HMCN1: variants seen among roughly 807,000 people sequenced by gnomAD.
The protein encoded by HMCN1 is hemicentin 1, also known as hemicentin-1.
HMCN1 carries 321 observed loss-of-function variants against 625.9 expected under a neutral mutation model. That is an observed-to-expected ratio of 0.51 (90% CI 0.47 to 0.56). The LOEUF (loss-of-function observed/expected upper bound fraction) is 0.56. Among genes scored for constraint, HMCN1 ranks in the 20% least tolerant of loss-of-function variants. The probability of loss-of-function intolerance (pLI) is 0.00; values close to 1 mark genes in which losing one functional copy is unlikely to be tolerated. For synonymous variants in HMCN1, 2,425 were observed against 2,417.6 expected, an observed-to-expected ratio of 1.00 and a Z score of -0.09; for missense variants, 6,588 against 6,887.3, an observed-to-expected ratio of 0.96 and a Z score of 1.54.
In HMCN1 at chr1:186,090,830, T is replaced by C. The variant is rs778348483; in HGVS notation, c.9800T>C (p.Val3267Ala). 6.2e-7 allele frequency: 1 copy of C among 1,612,716 alleles called. No individual in the cohort carries two copies. The highest frequency in any genetic ancestry group is 1.7e-5 in the Admixed American group (1 of 59,840). The change falls in exon 64 of 107, where the codon GTC becomes GCC. Residue 3267 changes from valine (V) to alanine (A), a missense_variant. By Grantham distance (64) the Val-to-Ala change is moderately conservative. Around this residue, in one of 3 missense-constraint regions of HMCN1, gnomAD observed 4,628 missense variants for 4,853.1 expected, o/e 0.95. Coordinates refer to ENST00000271588, the MANE Select transcript of HMCN1 (RefSeq NM_031935.3). ...CTTCTAGGAGAAAATGTTGAGCTGG[T>C]CTGCAATGCAAATGGCATTCCTACT... ...SVLLGENVEL[V>A]CNANGIPTPL...
chr1:185,808,318 G>T (rs1470689926), intron 1 of HMCN1, among the ~76,000 whole-genome samples: 1 of 152,042 alleles, frequency 6.6e-6, no homozygotes, highest in Non-Finnish European at 1.5e-5. Context: ...CTGCACTCCA[G>T]CCTGGATGAC....
At chr1:185,953,105 C>T (rs1037463766) in intron 11 of HMCN1, among the ~76,000 whole-genome samples, 6 of 151,446 alleles carry the variant, frequency 4.0e-5, no homozygotes, top group Admixed American at 6.6e-5. Context: ...CCCAGAAAAG[C>T]GGGACTTGCC....
chr1:186,046,386 C>T (rs1195363876), intron 41 of HMCN1, among the ~76,000 whole-genome samples: 1 of 151,948 alleles, frequency 6.6e-6, no homozygotes, highest in African/African-American at 2.4e-5. Flanking sequence ...AGAGAACTGC[C>T]TGAACCCGGG....
chr1:186,077,440 T>C (rs1658893613), intron 54 of HMCN1, among the ~76,000 whole-genome samples: 1 of 152,140 alleles, frequency 6.6e-6, no homozygotes, highest in Admixed American at 6.6e-5. Context: ...TAAGGGATTA[T>C]CCTTGTTATG....
chr1:186,086,858 A>C (rs933742601), intron 58 of HMCN1, among the ~76,000 whole-genome samples: 10 of 149,162 alleles, frequency 6.7e-5, no homozygotes, highest in African/African-American at 2.5e-4. Flanking sequence ...ATAGATAGAT[A>C]GATAGATAGA....
intron 47 of HMCN1, 105 bp from the exon 48 acceptor site, chr1:186,062,409 G>A: frequency 1.4e-6 from 1 of 726,266 alleles, no homozygotes; most frequent in South Asian, 1.5e-5. Context: ...TGGATTGGGG[G>A]ATTTGTTTTG....
Position 186,061,901 on chromosome 1 carries a change from T to C in HMCN1, c.7363T>C (p.Tyr2455His). ...GACCACAATGGAAGATGCTGGCCAATATACTTGCGTTGTAAGGAATGCAGC... is the reference window on the plus strand; with the variant it reads ...GACCACAATGGAAGATGCTGGCCAACATACTTGCGTTGTAAGGAATGCAGC... The part of the protein sequence containing the change: ...MQTTMEDAGQ[Y>H]TCVVRNAAGE... Residue 2455 changes from tyrosine (Y) to histidine (H), a missense_variant, in exon 47 of 107, where the codon TAT (tyrosine) becomes CAT (histidine). Transcript: ENST00000271588. 1 of 1,613,224 alleles carries C rather than the reference T, an allele frequency of 6.2e-7. No individual in the cohort carries two copies. Among genetic ancestry groups the C allele is most frequent in the Non-Finnish European group, 8.5e-7 (1 of 1,179,366 alleles).
chr1:186,025,544 A>G (rs1229917318), intron 36 of HMCN1, among the ~76,000 whole-genome samples: 1 of 152,234 alleles, frequency 6.6e-6, no homozygotes, highest in African/African-American at 2.4e-5. Flanking sequence ...AAGACTTGCC[A>G]GTGTAGTCAG....
At chr1:185,828,047 G>A (rs1660631581) in intron 1 of HMCN1, among the ~76,000 whole-genome samples, 1 of 152,116 alleles carries the variant, frequency 6.6e-6, no homozygotes, top group Admixed American at 6.6e-5. Context: ...ACAACTTAGG[G>A]AATATTGTTT....
chr1:186,007,999 C>T (rs888736514), intron 30 of HMCN1, among the ~76,000 whole-genome samples: 1 of 152,104 alleles, frequency 6.6e-6, no homozygotes, highest in East Asian at 1.9e-4. Context: ...TTAGACACCT[C>T]TTAGAATGTC....
intron 11 of HMCN1, among the ~76,000 whole-genome samples, chr1:185,939,972 A>C (rs1010588369): frequency 6.6e-6 from 1 of 152,174 alleles, no homozygotes; most frequent in East Asian, 1.9e-4. Flanking sequence ...ATTCCCTTAA[A>C]TATTAAAAAG....
At chr1:186,180,536 T>TTAA (rs1428789847) in intron 104 of HMCN1, among the ~76,000 whole-genome samples, 2 of 152,214 alleles carry the variant, frequency 1.3e-5, no homozygotes, top group African/African-American at 4.8e-5. Context: ...AGCTTCCTGA[T>TTAA]TAATAACCCA....
intron 4 of HMCN1, among the ~76,000 whole-genome samples, chr1:185,903,855 C>T (rs1665949657): frequency 6.6e-6 from 1 of 151,788 alleles, no homozygotes; most frequent in Non-Finnish European, 1.5e-5. Context: ...AAGTCTAGAA[C>T]ACTTGTGTTG....
chr1:186,049,245 G>A (rs1656787495), intron 42 of HMCN1, among the ~76,000 whole-genome samples: 4 of 152,058 alleles, frequency 2.6e-5, no homozygotes, highest in Admixed American at 2.6e-4. Context: ...CGTGGTGGGA[G>A]ATAGGATTAC....
In HMCN1 at chr1:185,864,498, T is replaced by C. The variant is rs749916461; in HGVS notation, c.368T>C (p.Ile123Thr). ...GGTGGTGATTGCCCAGAAATGAGTATTGGAGCTATAAAAATTGCCTTGGAA... is the reference window on the plus strand; with the variant it reads ...GGTGGTGATTGCCCAGAAATGAGTACTGGAGCTATAAAAATTGCCTTGGAA... ...QGGGDCPEMS[I>T]GAIKIALEIS... is the part of the protein sequence containing the mutation. The change falls in exon 3 of 107, where the codon ATT becomes ACT. Residue 123 changes from isoleucine (I) to threonine (T), a missense_variant. Coordinates refer to ENST00000271588, the MANE Select transcript of HMCN1 (RefSeq NM_031935.3). 16 of 1,613,976 alleles carry C rather than the reference T, an allele frequency of 9.9e-6. No homozygotes were observed. Among genetic ancestry groups the C allele is most frequent in the Non-Finnish European group, 1.4e-5 (16 of 1,179,980 alleles).
At chr1:186,166,366 A>G (rs1212152430) in intron 99 of HMCN1, 63 bp downstream of exon 99, 5 of 1,591,620 alleles carry the variant, frequency 3.1e-6, no homozygotes, top group African/African-American at 1.3e-5. Context: ...ACCTAGAAAA[A>G]GTATGATAGA....
At chr1:185,776,398 T>A (rs1159952184) in intron 1 of HMCN1, among the ~76,000 whole-genome samples, 1 of 151,896 alleles carries the variant, frequency 6.6e-6, no homozygotes, top group East Asian at 1.9e-4. Flanking sequence ...AACATGCCCA[T>A]CAGGTGGTGA....
intron 81 of HMCN1, among the ~76,000 whole-genome samples, chr1:186,124,134 A>G (rs1019326406): frequency 1.1e-4 from 16 of 152,088 alleles, no homozygotes; most frequent in African/African-American, 1.9e-4. Flanking sequence ...AATTTACCAA[A>G]ATTGACCATA....
At chr1:186,183,745 C>T (rs534291111) in intron 105 of HMCN1, among the ~76,000 whole-genome samples, 1 of 152,238 alleles carries the variant, frequency 6.6e-6, no homozygotes, top group East Asian at 1.9e-4. Context: ...GACTTGACCT[C>T]AGATCTATAT....
Sources: gnomAD v4.1 joint callset for allele counts (sites outside exome capture counted in the v4.1 genomes callset) on GRCh38, gnomAD v4.1.1 for gene constraint, gnomAD v4.1.1 regional missense constraint, MANE v1.5 for transcripts, NCBI Gene and HGNC (gene_info 2026-07-23, HGNC 2026-07-21) for gene names.